The following DCC variants were observed in gnomAD, a reference collection of about 807,000 sequenced individuals.
DCC encodes the protein netrin receptor DCC.
DCC carries 58 observed loss-of-function variants against 172.5 expected under a neutral mutation model. That is an observed-to-expected ratio of 0.34 (90% CI 0.27 to 0.42). DCC has a LOEUF of 0.42. Ranked by LOEUF, DCC falls within the 10% of genes least tolerant of loss-of-function variation. DCC has a pLI of 1.00. For missense variants in DCC, 1,740 were observed against 1,791.0 expected (o/e 0.97, Z 0.51); for synonymous variants, 709 against 644.5 (o/e 1.10, Z -1.52).
chr18:53,412,518 A>G (rs749617115), intron 20 of DCC, among the ~76,000 whole-genome samples: 3 of 152,158 alleles, frequency 2.0e-5, no homozygotes, highest in Non-Finnish European at 4.4e-5. Flanking sequence ...AGATAAAATC[A>G]TGCTATTGCT....
chr18:52,401,167 G>A (rs770633541), intron 1 of DCC, among the ~76,000 whole-genome samples: 3 of 151,860 alleles, frequency 2.0e-5, no homozygotes, highest in Non-Finnish European at 2.9e-5. Flanking sequence ...GCTGGCCCTT[G>A]AAACCCAGAA....
intron 1 of DCC, among the ~76,000 whole-genome samples, chr18:52,428,278 T>G (rs1325575573): frequency 6.6e-6 from 1 of 152,092 alleles, no homozygotes; most frequent in African/African-American, 2.4e-5. Flanking sequence ...ATTCAAGCCA[T>G]TTTCACCAAC....
At chr18:52,448,639 C>T (rs1324476157) in intron 1 of DCC, among the ~76,000 whole-genome samples, 1 of 152,108 alleles carries the variant, frequency 6.6e-6, no homozygotes, top group Non-Finnish European at 1.5e-5. Context: ...TGGAAAAACA[C>T]ATTTTATTAG....
chr18:53,159,772 A>G (rs530090347), intron 8 of DCC, among the ~76,000 whole-genome samples: 1 of 152,340 alleles, frequency 6.6e-6, no homozygotes, highest in East Asian at 1.9e-4. Flanking sequence ...CCTACTATTT[A>G]TCAAATGTGT....
chr18:52,842,838 A>C (rs1181739803), intron 2 of DCC, among the ~76,000 whole-genome samples: 1 of 152,200 alleles, frequency 6.6e-6, no homozygotes, highest in Admixed American at 6.5e-5. Flanking sequence ...AGGATCCAGG[A>C]ATGAAGGAAA....
chr18:52,412,595 A>G (rs1048191470), intron 1 of DCC, among the ~76,000 whole-genome samples: 4 of 152,186 alleles, frequency 2.6e-5, no homozygotes, highest in African/African-American at 9.6e-5. Flanking sequence ...AACTGTGATC[A>G]GTATTAAGTA....
chr18:52,446,140 C>G (rs890507378), intron 1 of DCC, among the ~76,000 whole-genome samples: 1 of 152,046 alleles, frequency 6.6e-6, no homozygotes, highest in Admixed American at 6.5e-5. Flanking sequence ...TCACCGTGGT[C>G]TCGATCTGCT....
At chr18:53,291,715 G>A (rs1343114081) in intron 12 of DCC, among the ~76,000 whole-genome samples, 1 of 151,980 alleles carries the variant, frequency 6.6e-6, no homozygotes. Context: ...TAGTACAAAC[G>A]AATAGTCTGA....
At chr18:52,458,827 A>T (rs1005353084) in intron 1 of DCC, among the ~76,000 whole-genome samples, 2 of 152,242 alleles carry the variant, frequency 1.3e-5, no homozygotes, top group African/African-American at 4.8e-5. Context: ...CTTTAGAGTT[A>T]GATTAGCCTA....
At chr18:53,111,606 G>A (rs1598813098) in intron 7 of DCC, among the ~76,000 whole-genome samples, 1 of 151,286 alleles carries the variant, frequency 6.6e-6, no homozygotes, top group African/African-American at 2.4e-5. Flanking sequence ...ACAATACAAA[G>A]ACTTGTTTAA....
chr18:53,468,062 T>A (rs774409168), intron 25 of DCC, 52 bp downstream of exon 25: 3 of 896,910 alleles, frequency 3.3e-6, no homozygotes, highest in Non-Finnish European at 5.7e-6. Flanking sequence ...TCTGTATGTA[T>A]CTTTTCTATA....
At chr18:53,154,584 G>A (rs1214920852) in intron 7 of DCC, among the ~76,000 whole-genome samples, 2 of 152,168 alleles carry the variant, frequency 1.3e-5, no homozygotes, top group Non-Finnish European at 2.9e-5. Context: ...GAGGAGCTGG[G>A]GGACACTTGT....
chr18:52,615,102 T>C (rs1044943095), intron 1 of DCC, among the ~76,000 whole-genome samples: 3 of 152,192 alleles, frequency 2.0e-5, no homozygotes, highest in Non-Finnish European at 2.9e-5. Flanking sequence ...TGGAATCCCT[T>C]ACTACATTGG....
At chr18:53,183,609 C>T (rs538408236) in intron 9 of DCC, among the ~76,000 whole-genome samples, 1 of 152,166 alleles carries the variant, frequency 6.6e-6, no homozygotes, top group East Asian at 1.9e-4. Context: ...ACTCAATTAC[C>T]TACAAAACTC....
chr18:52,398,117 C>G (rs571259713), intron 1 of DCC, among the ~76,000 whole-genome samples: 9 of 151,830 alleles, frequency 5.9e-5, no homozygotes, highest in African/African-American at 2.2e-4. Context: ...AATGCTTTAA[C>G]TTTGACGGTA....
chr18:53,306,969 T>A (rs1450070742), intron 13 of DCC, among the ~76,000 whole-genome samples: 2 of 152,208 alleles, frequency 1.3e-5, no homozygotes, highest in Non-Finnish European at 2.9e-5. Flanking sequence ...AAAAAGAAAG[T>A]AATCCCTTAT....
chr18:53,306,898 C>G (rs1461585720), intron 13 of DCC, among the ~76,000 whole-genome samples: 2 of 152,136 alleles, frequency 1.3e-5, no homozygotes, highest in Non-Finnish European at 2.9e-5. Flanking sequence ...GGACAACATA[C>G]AAACCATAAA....
At chr18:52,742,577 T>A (rs922485224) in intron 1 of DCC, among the ~76,000 whole-genome samples, 6 of 152,190 alleles carry the variant, frequency 3.9e-5, no homozygotes, top group Admixed American at 3.9e-4. Context: ...ACACCACTGC[T>A]AAGCATTACA....
At chr18:53,083,549 G>T (rs4078161) in intron 7 of DCC, among the ~76,000 whole-genome samples, 103,570 of 152,056 alleles carry the variant, frequency 0.68, 36,829 homozygotes, top group African/African-American at 0.87. Context: ...CTGAGTCAAA[G>T]GTCTTCCTGT....
Sources: allele counts gnomAD v4.1 joint callset (sites outside exome capture counted in the v4.1 genomes callset), GRCh38; gene constraint gnomAD v4.1.1; transcripts MANE v1.5; gene names NCBI Gene and HGNC (gene_info 2026-07-23, HGNC 2026-07-21).